Variants in L3MBTL4 observed in about 807,000 individuals in gnomAD.
The protein encoded by L3MBTL4 is lethal(3)malignant brain tumor-like protein 4.
In L3MBTL4, 70 loss-of-function variants were observed where a neutral mutation model predicts 84.5. The ratio of observed to expected loss-of-function variants is 0.83; its 90% CI spans 0.68 to 1.01. L3MBTL4 has a LOEUF of 1.01. Ranked by LOEUF, L3MBTL4 falls within the 50% of genes least tolerant of loss-of-function variation. The probability of loss-of-function intolerance (pLI) is 0.00; values close to 1 mark genes in which losing one functional copy is unlikely to be tolerated. For missense variants in L3MBTL4, 715 were observed against 754.8 expected (o/e 0.95, Z 0.62); for synonymous variants, 274 against 259.8 (o/e 1.05, Z -0.52).
intron 1 of L3MBTL4, among the ~76,000 whole-genome samples, chr18:6,391,639 G>T (rs1299721150): frequency 6.6e-6 from 1 of 151,776 alleles, no homozygotes; most frequent in Admixed American, 6.6e-5. Flanking sequence ...TAAAGTCTCA[G>T]GTTACAAAAT....
chr18:6,341,098 C>T (rs2052588113), intron 1 of L3MBTL4, among the ~76,000 whole-genome samples: 1 of 152,092 alleles, frequency 6.6e-6, no homozygotes, highest in Non-Finnish European at 1.5e-5. Context: ...TAACGAAGCT[C>T]TCACCAGTGA....
intron 14 of L3MBTL4, 74 bp downstream of exon 14, chr18:6,138,120 A>T: frequency 2.0e-6 from 2 of 982,286 alleles, no homozygotes. Flanking sequence ...CTCATTTATG[A>T]TGCTCCATGT....
intron 16 of L3MBTL4, among the ~76,000 whole-genome samples, chr18:5,970,079 G>T (rs1356117828): frequency 1.3e-5 from 2 of 152,210 alleles, no homozygotes; most frequent in Admixed American, 1.3e-4. Context: ...AACATGACAT[G>T]TAGCAAGGGT....
At chr18:6,241,318 T>C (rs1270276765) in intron 8 of L3MBTL4, 40 bp downstream of exon 8, 1 of 1,131,976 alleles carries the variant, frequency 8.8e-7, no homozygotes, top group Non-Finnish European at 1.3e-6. Flanking sequence ...AATTTAAGCT[T>C]GGGGGAAATT....
chr18:6,239,946 C>G (rs2047386019), intron 8 of L3MBTL4, 74 bp from the exon 9 acceptor site: 1 of 1,530,098 alleles, frequency 6.5e-7, no homozygotes, highest in African/African-American at 1.4e-5. Context: ...ACTGTCAAAA[C>G]TTCTATGTTT....
At chr18:6,219,227 T>C (rs535258056) in intron 10 of L3MBTL4, among the ~76,000 whole-genome samples, 1 of 151,894 alleles carries the variant, frequency 6.6e-6, no homozygotes, top group Non-Finnish European at 1.5e-5. Context: ...ACTTATCACT[T>C]CGTCCTGCTG....
chr18:6,189,825 C>T (rs2044981229), intron 12 of L3MBTL4, among the ~76,000 whole-genome samples: 1 of 151,946 alleles, frequency 6.6e-6, no homozygotes, highest in African/African-American at 2.4e-5. Flanking sequence ...TAGAAATTAT[C>T]TGAAGCACAA....
At position 6,311,586 on chromosome 18, in the gene L3MBTL4, A is replaced by T; in HGVS notation, c.40T>A (p.Ser14Thr). The change falls in exon 3 of 19, where the codon TCC becomes ACC. Residue 14 changes from serine (S) to threonine (T), a missense_variant. Ser to Thr is a moderately conservative substitution (Grantham distance 58, BLOSUM62 1). Coordinates refer to ENST00000317931, the MANE Select transcript of L3MBTL4 (RefSeq NM_001330559.2). ...CCGTCCTGATCCAAACGCTCTTTGGAATCCATATTAAGCTTCCTTTTCCTG... is the reference window on the plus strand; with the variant it reads ...CCGTCCTGATCCAAACGCTCTTTGGTATCCATATTAAGCTTCCTTTTCCTG... ...PNRKRKLNMD[S>T]KERLDQDGRL... is the part of the protein sequence containing the mutation. The T allele has an allele frequency of 6.2e-7, 1 of 1,613,554 alleles. No individual in the cohort carries two copies. Among genetic ancestry groups the T allele is most frequent in the Non-Finnish European group, 8.5e-7 (1 of 1,179,844 alleles).
At chr18:6,109,845 C>A (rs559520) in intron 14 of L3MBTL4, among the ~76,000 whole-genome samples, 1 of 152,216 alleles carries the variant, frequency 6.6e-6, no homozygotes, top group African/African-American at 2.4e-5. Context: ...TGGTCTTTTT[C>A]TAATATTTCC....
chr18:6,318,422 C>G (rs404782), intron 1 of L3MBTL4, among the ~76,000 whole-genome samples: 27,387 of 137,270 alleles, frequency 0.2, 2,633 homozygotes, highest in Middle Eastern at 0.25. Context: ...ATATTCCACA[C>G]AAATGGAAAC....
intron 12 of L3MBTL4, among the ~76,000 whole-genome samples, chr18:6,181,680 G>T (rs760048589): frequency 5.3e-5 from 8 of 151,530 alleles, no homozygotes; most frequent in Non-Finnish European, 1.2e-4. Context: ...CCACCTTCAA[G>T]TAGGCCCCAG....
At chr18:6,068,340 T>C (rs1273233333) in intron 16 of L3MBTL4, among the ~76,000 whole-genome samples, 1 of 152,158 alleles carries the variant, frequency 6.6e-6, no homozygotes, top group Admixed American at 6.6e-5. Flanking sequence ...GATGCATAGA[T>C]ATATCTAATG....
rs1215807340 is a variant in L3MBTL4 at position 6,018,897 on chromosome 18, T to G, written c.1445-49335A>C. ...AGTTAATTAATGACTTAACAACATC[T>G]CAGGGACCCCAAACTAACTGAAATC... On this transcript the variant is annotated intron_variant, in intron 16 of 18. Transcript: ENST00000317931. Among the ~76,000 whole-genome samples the G allele has an allele frequency of 3.3e-5, 5 of 152,146 alleles. No individual in the cohort carries two copies. In the South Asian group the frequency reaches 6.2e-4, roughly 19 times the overall value.
chr18:6,284,886 G>A (rs1266941662), intron 4 of L3MBTL4, among the ~76,000 whole-genome samples: 3 of 152,226 alleles, frequency 2.0e-5, no homozygotes, highest in Non-Finnish European at 1.5e-5. Context: ...GTGGGCAGTC[G>A]GAGCCCGGAA....
rs568813992 is a variant in L3MBTL4 at position 6,268,945 on chromosome 18, G to T, written c.128-4907C>A. On this transcript the variant is annotated intron_variant, in intron 4 of 18. Transcript: ENST00000317931. ...TTGTTCTGAAAAGCTGAAGCTCATG[G>T]AGATCACACAGTTCACACATTTGGA... Among the ~76,000 whole-genome samples, 3 of 152,146 alleles carry T rather than the reference G, an allele frequency of 2.0e-5. No homozygotes were observed. In the South Asian group the frequency reaches 6.2e-4, roughly 32 times the overall value.
intron 1 of L3MBTL4, among the ~76,000 whole-genome samples, chr18:6,394,009 A>G (rs1290663927): frequency 6.6e-5 from 10 of 151,646 alleles, no homozygotes; most frequent in Non-Finnish European, 1.5e-5. Context: ...CCTCAGGTCC[A>G]TTCGAGCTGC....
chr18:6,379,360 T>C lies in L3MBTL4; in HGVS notation c.-91+35441A>G, dbSNP rs151034041. 7.0e-3 allele frequency among the ~76,000 whole-genome samples: 1,063 copies of C among 152,326 alleles called. 23 individuals carry two copies. The highest frequency in any genetic ancestry group is 0.025 in the African/African-American group (1,020 of 41,592). ...CCAGAACTTCCAATACTATGTTGAATAGGAGTGGTGAGATAGGGCATCCTT... is the reference window on the plus strand; with the variant it reads ...CCAGAACTTCCAATACTATGTTGAACAGGAGTGGTGAGATAGGGCATCCTT... On this transcript the variant is annotated intron_variant, in intron 1 of 18. Coordinates refer to ENST00000317931, the MANE Select transcript of L3MBTL4 (RefSeq NM_001330559.2).
At chr18:6,398,201 A>T (rs912100792) in intron 1 of L3MBTL4, among the ~76,000 whole-genome samples, 6 of 152,050 alleles carry the variant, frequency 3.9e-5, no homozygotes, top group Non-Finnish European at 8.8e-5. Flanking sequence ...AAAGTTGGCA[A>T]CTCTCTATAA....
intron 1 of L3MBTL4, among the ~76,000 whole-genome samples, chr18:6,379,299 TA>T (rs1273590150): frequency 6.6e-6 from 1 of 152,202 alleles, no homozygotes; most frequent in African/African-American, 2.4e-5. Flanking sequence ...CCTATTTGAA[TA>T]GCCTTTATTT....
Sources: allele counts gnomAD v4.1 joint callset (sites outside exome capture counted in the v4.1 genomes callset), GRCh38; gene constraint gnomAD v4.1.1; transcripts MANE v1.5; gene names NCBI Gene and HGNC (gene_info 2026-07-23, HGNC 2026-07-21).